The following NELL1 variants were observed in gnomAD, a reference collection of about 807,000 sequenced individuals.
NELL1 encodes the protein protein kinase C-binding protein NELL1.
Under a neutral mutation model 107.4 loss-of-function variants are expected in NELL1, and 76 were observed. The ratio of observed to expected loss-of-function variants is 0.71; its 90% CI spans 0.59 to 0.86. The LOEUF is 0.86. Among genes scored for constraint, NELL1 ranks in the 40% least tolerant of loss-of-function variants. The pLI is 0.00. For missense variants in NELL1, 1,024 were observed against 1,005.5 expected (o/e 1.02, Z -0.25); for synonymous variants, 353 against 341.2 (o/e 1.03, Z -0.38).
chr11:21,010,407 T>C (rs2134285976), intron 12 of NELL1, among the ~76,000 whole-genome samples: 1 of 152,178 alleles, frequency 6.6e-6, no homozygotes, highest in South Asian at 2.1e-4. Context: ...CAAGTTCTAA[T>C]ACAATAGAGC....
chr11:20,987,071 A>G (rs1282270393), intron 12 of NELL1, among the ~76,000 whole-genome samples: 2 of 152,208 alleles, frequency 1.3e-5, no homozygotes, highest in Non-Finnish European at 2.9e-5. Context: ...ATGGGAGCCA[A>G]TAATCAAAAT....
At chr11:21,318,797 T>C (rs180897809) in intron 14 of NELL1, among the ~76,000 whole-genome samples, 2 of 152,222 alleles carry the variant, frequency 1.3e-5, no homozygotes, top group South Asian at 4.1e-4. Context: ...CTACTTTGCT[T>C]TATTTCTGCT....
chr11:21,116,977 G>C (rs1855251954), intron 13 of NELL1, among the ~76,000 whole-genome samples: 2 of 151,922 alleles, frequency 1.3e-5, no homozygotes, highest in African/African-American at 4.8e-5. Flanking sequence ...ACCCTATATA[G>C]TTTTCCTTCT....
chr11:20,947,230 A>T (rs1850980437), intron 10 of NELL1, 106 bp from the exon 11 acceptor site: 1 of 710,074 alleles, frequency 1.4e-6, no homozygotes, highest in African/African-American at 1.8e-5. Context: ...AGTATTAATT[A>T]TTGTATGTTG....
intron 12 of NELL1, among the ~76,000 whole-genome samples, chr11:21,041,189 C>T (rs17232932): frequency 0.064 from 9,733 of 152,188 alleles, 414 homozygotes; most frequent in South Asian, 0.14. Context: ...AAGTCCAAGC[C>T]GCACTATCAT....
chr11:20,889,464 G>C (rs182701059), intron 5 of NELL1, among the ~76,000 whole-genome samples: 42 of 152,232 alleles, frequency 2.8e-4, no homozygotes, highest in African/African-American at 1.0e-3. Context: ...ATAACCAATA[G>C]ATCTTCATTT....
At chr11:21,052,798 T>C (rs1182709535) in intron 12 of NELL1, among the ~76,000 whole-genome samples, 1 of 151,970 alleles carries the variant, frequency 6.6e-6, no homozygotes, top group Non-Finnish European at 1.5e-5. Flanking sequence ...CCAAGACAGG[T>C]ACAAGCTTGG....
chr11:21,100,887 G>A (rs143573705), intron 12 of NELL1, among the ~76,000 whole-genome samples: 1,810 of 151,578 alleles, frequency 0.012, 27 homozygotes, highest in African/African-American at 0.042. Context: ...TGTGCACAAC[G>A]TGCAGGCTAG....
At chr11:21,412,463 A>G (rs1279171088) in intron 15 of NELL1, among the ~76,000 whole-genome samples, 2 of 152,132 alleles carry the variant, frequency 1.3e-5, no homozygotes, top group Non-Finnish European at 2.9e-5. Context: ...ATAGGCAAAG[A>G]AACTGAAACT....
At chr11:21,128,344 G>A (rs1855535463) in intron 13 of NELL1, among the ~76,000 whole-genome samples, 2 of 152,066 alleles carry the variant, frequency 1.3e-5, no homozygotes, top group South Asian at 4.2e-4. Flanking sequence ...TTCCCTAGAT[G>A]AATTAGCATT....
At chr11:20,677,212 C>G (rs1793005) in intron 1 of NELL1, among the ~76,000 whole-genome samples, 98,086 of 152,078 alleles carry the variant, frequency 0.64, 32,834 homozygotes, top group Middle Eastern at 0.8. Flanking sequence ...CCTCTGCCAC[C>G]CTTCTTCAAC....
At position 21,266,014 on chromosome 11, in the gene NELL1, T is replaced by C. The variant is rs532707669; in HGVS notation, c.1549+36560T>C. The stretch of plus-strand genomic sequence containing the variant: ...CAGACCTTTCAGTTTTGCCTCTGTG[T>C]CAAAAATCCTCTCCCTTCCTCTGCA... On this transcript the variant is annotated intron_variant, in intron 14 of 19. Coordinates refer to ENST00000357134, the MANE Select transcript of NELL1 (RefSeq NM_006157.5). Among the ~76,000 whole-genome samples, 18 of 152,098 alleles carry C rather than the reference T, an allele frequency of 1.2e-4. No individual in the cohort carries two copies. In the South Asian group the frequency reaches 3.3e-3, roughly 28 times the overall value.
intron 12 of NELL1, among the ~76,000 whole-genome samples, chr11:21,096,031 G>GC (rs1854634088): frequency 6.6e-6 from 1 of 152,082 alleles, no homozygotes. Flanking sequence ...GGAAAGTCTT[G>GC]CCCCCATGAT....
At chr11:21,038,115 C>T (rs1045493461) in intron 12 of NELL1, among the ~76,000 whole-genome samples, 9 of 152,118 alleles carry the variant, frequency 5.9e-5, no homozygotes, top group African/African-American at 1.7e-4. Flanking sequence ...GTTTAACATA[C>T]CTGGCTTATA....
At chr11:21,232,157 A>ATAAAAAAAAAATATATATATAT (rs1284072980) in intron 14 of NELL1, among the ~76,000 whole-genome samples, 1 of 51,038 alleles carries the variant, frequency 2.0e-5, no homozygotes. Flanking sequence ...TAAAAAAAAA[A>ATAAAAAAAAAATATATATATAT]AAATATATAT....
chr11:20,888,884 T>G (rs1316110041), intron 5 of NELL1, among the ~76,000 whole-genome samples: 1 of 152,188 alleles, frequency 6.6e-6, no homozygotes, highest in Non-Finnish European at 1.5e-5. Flanking sequence ...TCATCTCCAA[T>G]GGCCTAGCTC....
chr11:21,392,302 C>T (rs938763267), intron 15 of NELL1, among the ~76,000 whole-genome samples: 6 of 151,750 alleles, frequency 4.0e-5, no homozygotes, highest in African/African-American at 1.5e-4. Flanking sequence ...CTTCACTGTT[C>T]CCCATAGTTT....
chr11:20,954,746 C>A (rs1851136445), intron 11 of NELL1, among the ~76,000 whole-genome samples: 1 of 152,148 alleles, frequency 6.6e-6, no homozygotes, highest in Admixed American at 6.5e-5. Context: ...TAGGCATAAT[C>A]AAAGTGGATT....
At chr11:21,005,616 G>A (rs989835850) in intron 12 of NELL1, among the ~76,000 whole-genome samples, 4 of 152,182 alleles carry the variant, frequency 2.6e-5, no homozygotes, top group African/African-American at 9.6e-5. Flanking sequence ...GTGTTCATGA[G>A]CATTGGCATT....
Sources: gnomAD v4.1 joint callset for allele counts (sites outside exome capture counted in the v4.1 genomes callset) on GRCh38, gnomAD v4.1.1 for gene constraint, MANE v1.5 for transcripts, NCBI Gene and HGNC (gene_info 2026-07-23, HGNC 2026-07-21) for gene names.